Variants in DARS1 observed in about 807,000 individuals in gnomAD.
The protein encoded by DARS1 is aspartyl-tRNA synthetase 1.
Under a neutral mutation model 68.8 loss-of-function variants are expected in DARS1, and 51 were observed. The ratio of observed to expected loss-of-function variants is 0.74; its 90% CI spans 0.59 to 0.94. The LOEUF (loss-of-function observed/expected upper bound fraction) is 0.94. Among genes scored for constraint, DARS1 ranks in the 40% least tolerant of loss-of-function variants. DARS1 has a pLI of 0.00. For missense variants in DARS1, 607 were observed against 597.3 expected (o/e 1.02, Z -0.17); for synonymous variants, 203 against 190.4 (o/e 1.07, Z -0.55).
At chr2:135,978,578 C>G (rs72974120) in intron 3 of DARS1, among the ~76,000 whole-genome samples, 1,619 of 152,310 alleles carry the variant, frequency 0.011, 25 homozygotes, top group African/African-American at 0.037. Flanking sequence ...TTAGACAATT[C>G]TGAACACTAC....
In DARS1 at chr2:135,933,407, T is replaced by C. The variant is rs142589646; in HGVS notation, c.504+503A>G. Among the ~76,000 whole-genome samples the C allele has an allele frequency of 5.6e-4, 85 of 152,364 alleles. No homozygotes were observed. In the East Asian group the frequency reaches 0.011, roughly 20 times the overall value. On this transcript the variant is annotated intron_variant, in intron 6 of 15. Coordinates refer to ENST00000264161, the MANE Select transcript of DARS1 (RefSeq NM_001349.4). ...GGCAATATGAGAATCTAGTTGTCTA[T>C]TAAGCCAGAAATCACAAAGAATTGT...
rs181596449 is a variant in DARS1 at position 135,966,250 on chromosome 2, G to A, written c.218-4752C>T. Among the ~76,000 whole-genome samples the A allele has an allele frequency of 3.8e-3, 561 of 149,540 alleles. 2 individuals carry two copies. Among genetic ancestry groups the A allele is most frequent in the Non-Finnish European group, 6.4e-3 (429 of 67,226 alleles). On this transcript the variant is annotated intron_variant, in intron 3 of 15. Coordinates refer to ENST00000264161, the MANE Select transcript of DARS1 (RefSeq NM_001349.4). ...GAAGAGACTGTGGTGAGATGGAGGA[G>A]AATCGTGAGACCTCTATTTCCATAT...
intron 4 of DARS1, 145 bp from the exon 5 acceptor site, chr2:135,943,625 T>G (rs1024967520): frequency 3.9e-6 from 5 of 1,290,070 alleles, no homozygotes; most frequent in Non-Finnish European, 5.1e-6. Flanking sequence ...TTTAACCTAC[T>G]TAGAATAAGC....
chr2:135,934,897 C>T (rs1312178008), intron 5 of DARS1, among the ~76,000 whole-genome samples: 2 of 150,540 alleles, frequency 1.3e-5, no homozygotes, highest in African/African-American at 2.4e-5. Context: ...CGGGTTCAAG[C>T]GATTCTCCCA....
intron 3 of DARS1, among the ~76,000 whole-genome samples, chr2:135,973,917 A>C (rs1459811774): frequency 6.6e-5 from 10 of 152,154 alleles, no homozygotes; most frequent in Non-Finnish European, 1.3e-4. Context: ...GATTGTATGT[A>C]ACACAAAGAA....
intron 5 of DARS1, among the ~76,000 whole-genome samples, chr2:135,942,145 C>G (rs1173210734): frequency 1.4e-4 from 22 of 152,172 alleles, no homozygotes; most frequent in Non-Finnish European, 1.5e-4. Context: ...CCAGCCATCC[C>G]ATTACTGGGT....
chr2:135,948,871 C>T (rs559371121), intron 4 of DARS1, among the ~76,000 whole-genome samples: 3 of 127,568 alleles, frequency 2.4e-5, no homozygotes, highest in African/African-American at 6.7e-5. Context: ...CTCCGTCTCC[C>T]GTCTCCAAAA....
At chr2:135,952,832 T>C (rs1161562826) in intron 4 of DARS1, among the ~76,000 whole-genome samples, 4 of 152,242 alleles carry the variant, frequency 2.6e-5, no homozygotes, top group East Asian at 1.9e-4. Context: ...GCAATAAATA[T>C]TGGAGTGCAA....
chr2:135,951,053 G>A (rs971111139), intron 4 of DARS1, among the ~76,000 whole-genome samples: 6 of 152,230 alleles, frequency 3.9e-5, no homozygotes, highest in African/African-American at 1.2e-4. Context: ...AACGGAAAAT[G>A]AGGCAGCCTG....
At chr2:135,932,506 G>T (rs1465440058) in intron 7 of DARS1, among the ~76,000 whole-genome samples, 2 of 152,082 alleles carry the variant, frequency 1.3e-5, no homozygotes, top group Non-Finnish European at 1.5e-5. Flanking sequence ...GTCTAAAAAA[G>T]ATATCACCTG....
intron 10 of DARS1, among the ~76,000 whole-genome samples, chr2:135,918,434 C>T (rs2104798519): frequency 6.6e-6 from 1 of 152,124 alleles, no homozygotes; most frequent in East Asian, 1.9e-4. Context: ...GAGGTAAATA[C>T]TAATGATAAA....
At chr2:135,943,646 C>T (rs1195353408) in intron 4 of DARS1, among the ~76,000 whole-genome samples, 166 bp from the exon 5 acceptor site, 2 of 152,202 alleles carry the variant, frequency 1.3e-5, no homozygotes, top group Non-Finnish European at 2.9e-5. Context: ...TATTACGTAG[C>T]ATACCTTGTG....
rs369477167 is a variant in DARS1, at chr2:135,924,491, G to C, written c.572C>G (p.Thr191Ser). ...CTGGAGACGGAAGACTGCCTGACTAGTTGATGTCTAGAAGACAGTAATAAA... is the reference window on the plus strand; with the variant it reads ...CTGGAGACGGAAGACTGCCTGACTACTTGATGTCTAGAAGACAGTAATAAA... ...DNRVIDLRTS[T>S]SQAVFRLQSG... The change falls in exon 8 of 16, where the codon ACT (threonine) becomes AGT (serine). Residue 191 changes from threonine (T) to serine (S), a missense_variant. Coordinates refer to ENST00000264161, the MANE Select transcript of DARS1 (RefSeq NM_001349.4). 3.8e-5 allele frequency: 61 copies of C among 1,605,030 alleles called. No individual in the cohort carries two copies. Among genetic ancestry groups the C allele is most frequent in the Non-Finnish European group, 5.1e-5 (60 of 1,177,388 alleles).
intron 4 of DARS1, among the ~76,000 whole-genome samples, chr2:135,946,591 T>A (rs1681727940): frequency 6.6e-6 from 1 of 152,048 alleles, no homozygotes; most frequent in Non-Finnish European, 1.5e-5. Flanking sequence ...AGCACTGGGG[T>A]AGAGAACAAG....
At position 135,920,477 on chromosome 2, in the gene DARS1, T is replaced by G; in HGVS notation, c.935A>C (p.Gln312Pro). Residue 312 changes from glutamine (Q) to proline (P), a missense_variant, in exon 10 of 16, where the codon CAA becomes CCA. Coordinates refer to ENST00000264161, the MANE Select transcript of DARS1 (RefSeq NM_001349.4). The part of the protein sequence containing the change: ...VMEEIADTMV[Q>P]IFKGLQERFQ... ...CCTTTCTTGAAGTCCTTTGAATATT[T>G]GTACCATGGTGTCAGCAATTTCTTC... 6.2e-7 allele frequency: 1 copy of G among 1,613,506 alleles called. No individual in the cohort carries two copies. Among genetic ancestry groups the G allele is most frequent in the Non-Finnish European group, 8.5e-7 (1 of 1,179,750 alleles).
chr2:135,978,142 C>CCAAAAA (rs1682541267), intron 3 of DARS1, among the ~76,000 whole-genome samples: 1 of 54,736 alleles, frequency 1.8e-5, no homozygotes, highest in Non-Finnish European at 3.5e-5. Flanking sequence ...GACTCTGTCT[C>CCAAAAA]AAAAAAAAAA....
At chr2:135,915,209 T>C (rs1386579255) in intron 11 of DARS1, among the ~76,000 whole-genome samples, 1 of 152,152 alleles carries the variant, frequency 6.6e-6, no homozygotes, top group East Asian at 1.9e-4. Context: ...AATACACATG[T>C]ATTGTGATGG....
chr2:135,967,159 CATT>C (rs1290356586), intron 3 of DARS1, among the ~76,000 whole-genome samples: 1 of 152,168 alleles, frequency 6.6e-6, no homozygotes, highest in Non-Finnish European at 1.5e-5. Context: ...CCCCTGGATT[CATT>C]ATTTAGATAA....
At chr2:135,969,411 G>A (rs1682317597) in intron 3 of DARS1, among the ~76,000 whole-genome samples, 2 of 151,882 alleles carry the variant, frequency 1.3e-5, no homozygotes, top group Admixed American at 1.3e-4. Flanking sequence ...GAAAAGGTTG[G>A]GGCAGAGGAT....
Sources: allele counts gnomAD v4.1 joint callset (sites outside exome capture counted in the v4.1 genomes callset), GRCh38; gene constraint gnomAD v4.1.1; transcripts MANE v1.5; gene names NCBI Gene and HGNC (gene_info 2026-07-23, HGNC 2026-07-21).